Variants in ACSM3 observed in about 807,000 individuals in gnomAD.
The protein encoded by ACSM3 is acyl-coenzyme A synthetase ACSM3, mitochondrial.
Under a neutral mutation model 74.1 loss-of-function variants are expected in ACSM3, and 61 were observed. The ratio of observed to expected loss-of-function variants is 0.82; its 90% confidence interval spans 0.67 to 1.02. The LOEUF is 1.02. ACSM3 is among the 50% of genes least tolerant of loss of function. The pLI, the probability that ACSM3 is intolerant of heterozygous loss-of-function variation, is 0.00. For missense variants in ACSM3, 660 were observed against 697.0 expected (o/e 0.95, Z 0.60); for synonymous variants, 213 against 241.5 (o/e 0.88, Z 1.09).
intron 12 of ACSM3, among the ~76,000 whole-genome samples, chr16:20,793,592 C>A (rs1038959179): frequency 2.6e-5 from 4 of 152,194 alleles, no homozygotes; most frequent in African/African-American, 9.6e-5. Context: ...AGAAGATACC[C>A]TGTTAAGTCC....
chr16:20,785,976 A>T (rs1254268035), intron 8 of ACSM3, 102 bp from the exon 9 acceptor site: 9 of 734,832 alleles, frequency 1.2e-5, no homozygotes, highest in African/African-American at 1.8e-5. Flanking sequence ...AGCCTAGTTC[A>T]TAGTAAGTTT....
At chr16:20,701,032 T>G (rs148203423) in intron 1 of ACSM3, among the ~76,000 whole-genome samples, 1 of 152,224 alleles carries the variant, frequency 6.6e-6, no homozygotes, top group Non-Finnish European at 1.5e-5. Context: ...GTGGACTTGT[T>G]GATGGTTTTG....
chr16:20,739,142 T>C lies in ACSM3; in HGVS notation c.-189-10768T>C. The C allele has an allele frequency of 3.4e-6, 5 of 1,488,840 alleles. No individual in the cohort carries two copies. In the South Asian group the frequency reaches 3.8e-5, roughly 11 times the overall value. 92.2% of individuals were successfully genotyped at this position (1,488,840 alleles called of 1,614,324 possible). On this transcript the variant is annotated intron_variant, in intron 1 of 3. Transcript: ENST00000561584. ...TTTAAACACTATAAGTAATTATTTA[T>C]GTGAAGTCCCTGGCGGCAGGTGGCT...
intron 3 of ACSM3, 127 bp downstream of exon 3, chr16:20,776,176 T>C: frequency 5.8e-6 from 6 of 1,037,146 alleles, no homozygotes; most frequent in Non-Finnish European, 8.4e-6. Flanking sequence ...CTTTAAATTA[T>C]ATAAAAGTTA....
chr16:20,738,130 G>T, intron 1 of ACSM3: 1 of 717,862 alleles, frequency 1.4e-6, no homozygotes, highest in Non-Finnish European at 2.5e-6. Context: ...TGCCTAATAC[G>T]TACTATAATG....
chr16:20,774,399 T>G (rs1051514779), intron 2 of ACSM3, among the ~76,000 whole-genome samples: 2 of 152,132 alleles, frequency 1.3e-5, no homozygotes, highest in African/African-American at 4.8e-5. Flanking sequence ...CACGCTATCA[T>G]GCCCAGCTAA....
At chr16:20,786,767 G>T (rs948282391) in intron 9 of ACSM3, among the ~76,000 whole-genome samples, 46 of 152,118 alleles carry the variant, frequency 3.0e-4, no homozygotes, top group Non-Finnish European at 8.8e-5. Context: ...TACAAACAAG[G>T]CACAAAGAGG....
chr16:20,777,638 G>C lies in ACSM3; in HGVS notation c.638+58G>C, dbSNP rs13306612. 44 of 1,451,190 alleles carry C rather than the reference G, an allele frequency of 3.0e-5. No individual in the cohort carries two copies. In the East Asian group the frequency reaches 1.0e-3, roughly 33 times the overall value. 89.9% of individuals were successfully genotyped at this position (1,451,190 alleles called of 1,614,324 possible). On this transcript the variant is annotated intron_variant, in intron 4 of 13. Coordinates refer to ENST00000289416, the MANE Select transcript of ACSM3 (RefSeq NM_005622.4). ...CCAAAAGGAAAGGCAACAATAAAAAGATATTAAACCCAGCAGTGATTAGAA... is the reference window on the plus strand; with the variant it reads ...CCAAAAGGAAAGGCAACAATAAAAACATATTAAACCCAGCAGTGATTAGAA...
At chr16:20,706,190 GAT>G (rs1163330271) in intron 1 of ACSM3, among the ~76,000 whole-genome samples, 8 of 151,434 alleles carry the variant, frequency 5.3e-5, no homozygotes, top group Non-Finnish European at 1.2e-4. Context: ...TTTGGTGAAA[GAT>G]ATAAATTTAC....
At chr16:20,710,916 C>T (rs1677168689) in intron 1 of ACSM3, among the ~76,000 whole-genome samples, 1 of 152,066 alleles carries the variant, frequency 6.6e-6, no homozygotes, top group African/African-American at 2.4e-5. Context: ...GAAACCCCAT[C>T]TCTACTAAGA....
At chr16:20,768,889 C>T (rs1226193969) in intron 1 of ACSM3, among the ~76,000 whole-genome samples, 1 of 152,180 alleles carries the variant, frequency 6.6e-6, no homozygotes, top group African/African-American at 2.4e-5. Context: ...CTTGTCAGGT[C>T]TTCACACACA....
At chr16:20,693,043 G>A (rs1728243271) in intron 1 of ACSM3, among the ~76,000 whole-genome samples, 2 of 152,008 alleles carry the variant, frequency 1.3e-5, no homozygotes, top group Non-Finnish European at 2.9e-5. Context: ...GGAAGTGCCT[G>A]CCTGTAGTCC....
At position 20,731,409 on chromosome 16, in the gene ACSM3, G is replaced by A. The variant is rs148958502; in HGVS notation, c.-189-18501G>A. The A allele has an allele frequency of 1.4e-3, 232 of 167,792 alleles. 1 individual carries two copies. The highest frequency in any genetic ancestry group is 5.3e-3 in the African/African-American group (222 of 41,970). 10.4% of individuals were successfully genotyped at this position (167,792 alleles called of 1,614,324 possible). ...AAATAGAACTTAGCTTTCTTGAACC[G>A]CTGCACTCCTCATACTCACAAACCA... On this transcript the variant is annotated intron_variant, in intron 1 of 3. Coordinates refer to the ACSM3 transcript ENST00000561584.
At chr16:20,724,516 G>A (rs2079797747) in intron 1 of ACSM3, among the ~76,000 whole-genome samples, 1 of 152,192 alleles carries the variant, frequency 6.6e-6, no homozygotes, top group African/African-American at 2.4e-5. Context: ...CATAGCGTTG[G>A]AAGTTCTGGC....
intron 9 of ACSM3, among the ~76,000 whole-genome samples, chr16:20,788,181 T>C (rs954188135): frequency 9.2e-5 from 14 of 152,212 alleles, no homozygotes; most frequent in Non-Finnish European, 1.8e-4. Flanking sequence ...CAAACAGGCT[T>C]AACAATAGTT....
At chr16:20,789,561 A>T in intron 9 of ACSM3, 1 of 1,606,388 alleles carries the variant, frequency 6.2e-7, no homozygotes. Flanking sequence ...TCCACAGCTA[A>T]ACAAAGTTTG....
intron 1 of ACSM3, among the ~76,000 whole-genome samples, chr16:20,708,032 G>T (rs1210681959): frequency 6.6e-6 from 1 of 152,240 alleles, no homozygotes; most frequent in Admixed American, 6.5e-5. Context: ...AGGGCATGGT[G>T]GTTCATGCCT....
intron 1 of ACSM3, among the ~76,000 whole-genome samples, chr16:20,709,046 G>T (rs995706228): frequency 1.3e-5 from 2 of 152,182 alleles, no homozygotes; most frequent in Non-Finnish European, 2.9e-5. Context: ...TTTAATAAAT[G>T]GTGCTAGGCA....
chr16:20,770,560 A>G (rs2080180811), intron 2 of ACSM3, among the ~76,000 whole-genome samples: 1 of 152,196 alleles, frequency 6.6e-6, no homozygotes, highest in Non-Finnish European at 1.5e-5. Context: ...AGTGAAAAGT[A>G]ATTCCAAGAG....
Sources: gnomAD v4.1 joint callset for allele counts (sites outside exome capture counted in the v4.1 genomes callset) on GRCh38, gnomAD v4.1.1 for gene constraint, MANE v1.5 for transcripts, NCBI Gene and HGNC (gene_info 2026-07-23, HGNC 2026-07-21) for gene names.